Variants in CRY2 observed in about 807,000 individuals in gnomAD.
CRY2 encodes cryptochrome-2.
Under a neutral mutation model 69.5 loss-of-function variants are expected in CRY2, and 31 were observed. The observed-to-expected ratio is 0.45, with a 90% CI of 0.34 to 0.60. CRY2 has a LOEUF of 0.60. Among genes scored for constraint, CRY2 ranks in the 20% least tolerant of loss-of-function variants. The pLI is 0.02. For synonymous variants in CRY2, 303 were observed against 312.2 expected, an observed-to-expected ratio of 0.97 and a Z score of 0.31; for missense variants, 606 against 797.8, an observed-to-expected ratio of 0.76 and a Z score of 2.90.
At chr11:45,861,848 A>G in intron 4 of CRY2, 1 of 547,892 alleles carries the variant, frequency 1.8e-6, no homozygotes, top group Non-Finnish European at 3.2e-6. Context: ...ACCTGGAGCG[A>G]TGAGGGTGCA....
intron 1 of CRY2, among the ~76,000 whole-genome samples, chr11:45,848,696 C>T (rs1434042084): frequency 6.6e-6 from 1 of 152,216 alleles, no homozygotes; most frequent in Non-Finnish European, 1.5e-5. Flanking sequence ...TAGTGGCAGT[C>T]GCTCGGTTTG....
intron 11 of CRY2, among the ~76,000 whole-genome samples, chr11:45,880,661 C>T (rs76832305): frequency 0.018 from 2,781 of 152,284 alleles, 88 homozygotes; most frequent in African/African-American, 0.063. Context: ...CTCTGCTGTC[C>T]GCAGCCCTGG....
At chr11:45,859,524 G>T (rs115896940) in intron 3 of CRY2, among the ~76,000 whole-genome samples, 4 of 150,174 alleles carry the variant, frequency 2.7e-5, no homozygotes, top group Non-Finnish European at 5.9e-5. Flanking sequence ...ATCATGCCAC[G>T]TCACTCCAGC....
rs777783502 is a variant in CRY2 at position 45,869,835 on chromosome 11, G to A, written c.1194+18G>A. The A allele has an allele frequency of 3.4e-5, 54 of 1,591,246 alleles. No homozygotes were observed. The highest frequency in any genetic ancestry group is 6.8e-5 in the South Asian group (6 of 88,464). On this transcript the variant is annotated intron_variant, in intron 7 of 11. Coordinates refer to ENST00000616080, the MANE Select transcript of CRY2 (RefSeq NM_021117.5). ...GGGTCCGGGTGAGTGCTCTCTCAACGAAAAGCTGGCCTGTACCCTCTGGTC... is the reference window on the plus strand; with the variant it reads ...GGGTCCGGGTGAGTGCTCTCTCAACAAAAAGCTGGCCTGTACCCTCTGGTC...
intron 3 of CRY2, among the ~76,000 whole-genome samples, 155 bp from the exon 4 acceptor site, chr11:45,860,693 C>T (rs1392474784): frequency 1.3e-5 from 2 of 152,224 alleles, no homozygotes; most frequent in African/African-American, 2.4e-5. Flanking sequence ...GATGCGGCCT[C>T]CCTTGCCCCC....
chr11:45,867,792 G>A, intron 6 of CRY2, 40 bp downstream of exon 6: 2 of 1,612,810 alleles, frequency 1.2e-6, no homozygotes, highest in Non-Finnish European at 1.7e-6. Flanking sequence ...CCTAAGGCCT[G>A]CAGCCAGGCC....
chr11:45,848,709 T>C (rs1168473897), intron 1 of CRY2, among the ~76,000 whole-genome samples: 1 of 152,230 alleles, frequency 6.6e-6, no homozygotes, highest in Non-Finnish European at 1.5e-5. Context: ...TCGGTTTGTT[T>C]GCATTGTTCT....
intron 5 of CRY2, among the ~76,000 whole-genome samples, chr11:45,863,324 C>G (rs951098094): frequency 6.6e-6 from 1 of 152,116 alleles, no homozygotes; most frequent in Non-Finnish European, 1.5e-5. Context: ...GAGCTATCAT[C>G]TATGGTTAGT....
At chr11:45,870,294 G>T in intron 8 of CRY2, 36 bp from the exon 9 acceptor site, 2 of 1,613,886 alleles carry the variant, frequency 1.2e-6, no homozygotes, top group Non-Finnish European at 1.7e-6. Flanking sequence ...GAGGGTCTGG[G>T]TATGCTGATG....
rs191549469 is a variant in CRY2, at chr11:45,876,749, A to T, written c.*3-4165A>T. ...AAACCTGACTTCTGGATTCTCCTTG[A>T]TGTCTTTTTGACACTAGTTTAGTTG... is the stretch of plus-strand genomic sequence containing the variant. On this transcript the variant is annotated intron_variant, in intron 11 of 11. Coordinates refer to ENST00000616080, the MANE Select transcript of CRY2 (RefSeq NM_021117.5). Among the ~76,000 whole-genome samples, 13 of 152,312 alleles carry T rather than the reference A, an allele frequency of 8.5e-5. No individual in the cohort carries two copies. In the East Asian group the frequency reaches 2.1e-3, roughly 25 times the overall value.
chr11:45,869,379 C>A (rs1012491489), intron 6 of CRY2, 127 bp from the exon 7 acceptor site: 2 of 984,806 alleles, frequency 2.0e-6, no homozygotes, highest in Admixed American at 4.9e-5. Flanking sequence ...GGGATAGTCC[C>A]TCCACATCTG....
At chr11:45,878,823 G>A (rs1219884854) in intron 11 of CRY2, among the ~76,000 whole-genome samples, 2 of 149,986 alleles carry the variant, frequency 1.3e-5, no homozygotes, top group Non-Finnish European at 3.0e-5. Flanking sequence ...GGAGGCCAAG[G>A]CAGGAGAATT....
chr11:45,872,317 C>T, intron 11 of CRY2, 84 bp downstream of exon 11: 1 of 1,285,156 alleles, frequency 7.8e-7, no homozygotes, highest in African/African-American at 1.5e-5. Flanking sequence ...CAGGTTGAAA[C>T]ATAGCAAACT....
chr11:45,858,738 G>C lies in CRY2; in HGVS notation c.332G>C (p.Gly111Ala). ...DVFPRLFKEW[G>A]VTRLTFEYDS... ...CAGATCCTCTCCCCACAGGAATGGG[G>C]AGTGACCCGCTTGACCTTTGAATAT... The change falls in exon 3 of 12, where the codon GGA (glycine) becomes GCA (alanine). Residue 111 changes from glycine to alanine, a missense_variant. Coordinates refer to ENST00000616080, the MANE Select transcript of CRY2 (RefSeq NM_021117.5). The C allele has an allele frequency of 6.2e-7, 1 of 1,613,744 alleles. No individual in the cohort carries two copies. The highest frequency in any genetic ancestry group is 8.5e-7 in the Non-Finnish European group (1 of 1,179,758).
intron 5 of CRY2, among the ~76,000 whole-genome samples, chr11:45,865,819 G>A (rs1296193811): frequency 2.0e-5 from 3 of 152,200 alleles, no homozygotes; most frequent in Admixed American, 6.5e-5. Flanking sequence ...TGAAGATTTG[G>A]GCTCTGTCCT....
chr11:45,854,411 C>T (rs984370619), intron 1 of CRY2, among the ~76,000 whole-genome samples: 1 of 152,140 alleles, frequency 6.6e-6, no homozygotes, highest in Non-Finnish European at 1.5e-5. Context: ...AGAACCCTCA[C>T]GGTGGCTCAC....
chr11:45,848,091 C>T (rs1352589097), intron 1 of CRY2, among the ~76,000 whole-genome samples: 1 of 152,040 alleles, frequency 6.6e-6, no homozygotes, highest in Admixed American at 6.6e-5. Context: ...AGGGAGATAA[C>T]GTAGTGTGAG....
chr11:45,854,326 C>T (rs1268995720), intron 1 of CRY2, among the ~76,000 whole-genome samples: 1 of 152,202 alleles, frequency 6.6e-6, no homozygotes, highest in Non-Finnish European at 1.5e-5. Flanking sequence ...GGATTCCAAA[C>T]TCCTGAGGGC....
intron 1 of CRY2, among the ~76,000 whole-genome samples, chr11:45,848,565 G>A (rs1170485104): frequency 3.3e-5 from 5 of 152,174 alleles, no homozygotes; most frequent in Non-Finnish European, 5.9e-5. Flanking sequence ...TGACCCCCCA[G>A]GAGATGGAGT....
Sources: gnomAD v4.1 joint callset for allele counts (sites outside exome capture counted in the v4.1 genomes callset) on GRCh38, gnomAD v4.1.1 for gene constraint, MANE v1.5 for transcripts, NCBI Gene and HGNC (gene_info 2026-07-23, HGNC 2026-07-21) for gene names.